FARP1: variants seen among roughly 807,000 people sequenced by gnomAD.
FARP1 encodes FERM, ARHGEF and pleckstrin domain-containing protein 1.
Under a neutral mutation model 128.8 loss-of-function variants are expected in FARP1, and 52 were observed. The observed-to-expected ratio is 0.40, with a 90% CI of 0.32 to 0.51. The LOEUF (loss-of-function observed/expected upper bound fraction) is 0.51, where lower values mean the gene tolerates loss of function less well. Ranked by LOEUF, FARP1 falls within the 20% of genes least tolerant of loss-of-function variation. The pLI, the probability that FARP1 is intolerant of heterozygous loss-of-function variation, is 0.45. For synonymous variants in FARP1, 580 were observed against 551.8 expected (o/e 1.05, Z -0.72); for missense variants, 1,333 against 1,367.9 (o/e 0.97, Z 0.40).
At chr13:98,267,013 C>CTA (rs1884150355) in intron 2 of FARP1, among the ~76,000 whole-genome samples, 1 of 64,332 alleles carries the variant, frequency 1.6e-5, no homozygotes, top group Non-Finnish European at 3.0e-5. Context: ...ACTCCCATCT[C>CTA]AAAAAAAAAA....
intron 19 of FARP1, among the ~76,000 whole-genome samples, chr13:98,437,014 C>T (rs557181942): frequency 2.2e-4 from 34 of 152,108 alleles, no homozygotes; most frequent in African/African-American, 2.9e-4. Context: ...GCCGGGGTGG[C>T]GGGGGACCAT....
chr13:98,318,475 C>G (rs1484627436), intron 2 of FARP1, among the ~76,000 whole-genome samples: 1 of 152,178 alleles, frequency 6.6e-6, no homozygotes, highest in African/African-American at 2.4e-5. Context: ...GTTAGGACTT[C>G]GACCTGTAAA....
intron 2 of FARP1, among the ~76,000 whole-genome samples, chr13:98,283,525 C>A (rs1434541144): frequency 6.6e-6 from 1 of 152,078 alleles, no homozygotes. Context: ...GTTGGGTGTT[C>A]TGGCGTTCTA....
At chr13:98,434,503 C>G (rs1892176406) in intron 18 of FARP1, 1 of 152,224 alleles carries the variant, frequency 6.6e-6, no homozygotes. Flanking sequence ...ATTTAGAGTT[C>G]TGAAGACTGA....
intron 1 of FARP1, among the ~76,000 whole-genome samples, chr13:98,181,732 G>A (rs1309113515): frequency 1.3e-5 from 2 of 151,584 alleles, no homozygotes; most frequent in Non-Finnish European, 1.5e-5. Flanking sequence ...AGGCTCAAGC[G>A]ATCCTCCTGC....
At chr13:98,384,150 A>G (rs1194629553) in intron 6 of FARP1, 2 of 122,940 alleles carry the variant, frequency 1.6e-5, no homozygotes, top group Non-Finnish European at 3.1e-5. Context: ...AAAAACCGGG[A>G]GCAGGTATGG....
chr13:98,278,622 C>T (rs571146230), intron 2 of FARP1, among the ~76,000 whole-genome samples: 1 of 152,184 alleles, frequency 6.6e-6, no homozygotes, highest in Admixed American at 6.5e-5. Flanking sequence ...AACCACTACT[C>T]ATCAGTAAAC....
rs184178630 is a variant in FARP1, at chr13:98,330,627, C to T, written c.172-13135C>T. On this transcript the variant is annotated intron_variant, in intron 2 of 26. Coordinates refer to ENST00000319562, the MANE Select transcript of FARP1 (RefSeq NM_005766.4). ...AAAATTAGCTGGGCGTGGTGGCAGG[C>T]GCCTGTAATCCCAGCTACTCGAGAG... Among the ~76,000 whole-genome samples the T allele has an allele frequency of 3.9e-5, 6 of 152,028 alleles. No individual in the cohort carries two copies. The East Asian group carries it at 7.8e-4, about 20-fold the overall frequency.
At chr13:98,213,527 G>T in intron 2 of FARP1, 114 bp downstream of exon 2, 1 of 1,050,860 alleles carries the variant, frequency 9.5e-7, no homozygotes, top group Non-Finnish European at 1.4e-6. Flanking sequence ...GGTCCTGCAT[G>T]TTCAGCACCT....
intron 2 of FARP1, among the ~76,000 whole-genome samples, chr13:98,225,103 A>G (rs1412237233): frequency 6.6e-6 from 1 of 152,226 alleles, no homozygotes; most frequent in Non-Finnish European, 1.5e-5. Context: ...TAGTCACAGC[A>G]TAAGTTGAAT....
At chr13:98,199,734 C>A (rs1566731786) in intron 1 of FARP1, among the ~76,000 whole-genome samples, 2 of 152,144 alleles carry the variant, frequency 1.3e-5, no homozygotes, top group Admixed American at 6.5e-5. Context: ...CTAAAAAATG[C>A]GCCTGTTTAC....
At chr13:98,371,210 C>T (rs916280411) in intron 5 of FARP1, among the ~76,000 whole-genome samples, 13 of 126,214 alleles carry the variant, frequency 1.0e-4, no homozygotes, top group East Asian at 4.2e-4. Context: ...CCCTCACCCC[C>T]GCCCCCCGTT....
At chr13:98,196,155 T>C (rs1269134123) in intron 1 of FARP1, among the ~76,000 whole-genome samples, 7 of 152,284 alleles carry the variant, frequency 4.6e-5, no homozygotes, top group Admixed American at 3.9e-4. Context: ...ATTGGCACTT[T>C]TGTGCTCAAA....
intron 2 of FARP1, among the ~76,000 whole-genome samples, chr13:98,341,916 T>C (rs9584806): frequency 0.17 from 25,606 of 152,190 alleles, 3,747 homozygotes; most frequent in African/African-American, 0.4. Flanking sequence ...GATTGCCAGG[T>C]GCTGTGCTAG....
intron 1 of FARP1, among the ~76,000 whole-genome samples, chr13:98,171,318 G>A (rs1042473314): frequency 2.6e-5 from 4 of 152,172 alleles, no homozygotes; most frequent in Non-Finnish European, 5.9e-5. Context: ...TGGGTGCAAA[G>A]GTCTAGCCTC....
intron 3 of FARP1, among the ~76,000 whole-genome samples, chr13:98,359,623 T>A (rs1888783160): frequency 6.6e-6 from 1 of 152,216 alleles, no homozygotes; most frequent in South Asian, 2.1e-4. Context: ...CCCATGAGAC[T>A]ATAATCCTGG....
chr13:98,225,940 G>C (rs1263258053), intron 2 of FARP1, among the ~76,000 whole-genome samples: 1 of 152,228 alleles, frequency 6.6e-6, no homozygotes, highest in African/African-American at 2.4e-5. Context: ...GGGGAGGTCA[G>C]TGATGGTTGG....
intron 1 of FARP1, among the ~76,000 whole-genome samples, chr13:98,159,251 A>G (rs752212022): frequency 2.6e-5 from 4 of 152,174 alleles, no homozygotes; most frequent in African/African-American, 4.8e-5. Context: ...CCATTCAATG[A>G]GGAAGGTATT....
At chr13:98,202,909 G>A (rs1433422260) in intron 1 of FARP1, among the ~76,000 whole-genome samples, 5 of 151,864 alleles carry the variant, frequency 3.3e-5, no homozygotes, top group African/African-American at 1.2e-4. Flanking sequence ...TTGTGGAGAC[G>A]GGGTTTTGCT....
Sources: allele counts gnomAD v4.1 joint callset (sites outside exome capture counted in the v4.1 genomes callset), GRCh38; gene constraint gnomAD v4.1.1; transcripts MANE v1.5; gene names NCBI Gene and HGNC (gene_info 2026-07-23, HGNC 2026-07-21).